TP53BP2: variants seen among roughly 807,000 people sequenced by gnomAD.
The protein encoded by TP53BP2 is apoptosis-stimulating of p53 protein 2.
A neutral mutation model predicts 126.2 loss-of-function variants in TP53BP2; 62 were observed. That is an observed-to-expected ratio of 0.49 (90% confidence interval 0.40 to 0.61). The LOEUF is 0.61. Among genes scored for constraint, TP53BP2 ranks in the 20% least tolerant of loss-of-function variants. The pLI is 0.00. For missense variants in TP53BP2, 1,215 were observed against 1,402.8 expected (o/e 0.87, Z 2.14); for synonymous variants, 485 against 502.9 (o/e 0.96, Z 0.48).
At chr1:223,833,580 T>G (rs1482493004) in intron 1 of TP53BP2, among the ~76,000 whole-genome samples, 1 of 152,192 alleles carries the variant, frequency 6.6e-6, no homozygotes, top group Non-Finnish European at 1.5e-5. Context: ...TAAAGTAGCC[T>G]GCTGGTCATA....
At position 223,789,037 on chromosome 1, in the gene TP53BP2, C is replaced by T. The variant is rs1193738727; in HGVS notation, c.3134G>A (p.Gly1045Asp). 2 of 1,614,016 alleles carry T rather than the reference C, an allele frequency of 1.2e-6. No individual in the cohort carries two copies. The highest frequency in any genetic ancestry group is 2.7e-5 in the African/African-American group (2 of 74,918). Residue 1045 changes from glycine to aspartate, a missense_variant, in exon 16 of 18, where the codon GGC becomes GAC. This residue lies in a region of TP53BP2 where 151 missense variants were observed against 231.2 expected (regional missense o/e 0.65). Coordinates refer to ENST00000343537, the MANE Select transcript of TP53BP2 (RefSeq NM_001031685.3). ...AAGAAATTGGGAGCACTGAGTGTAGCCTTCCTCCATTTCCTCGCACTTATC... is the reference window on the plus strand; with the variant it reads ...AAGAAATTGGGAGCACTGAGTGTAGTCTTCCTCCATTTCCTCGCACTTATC... ...AADKCEEMEEGYTQCSQFLYG... is the reference protein window; with the variant it reads ...AADKCEEMEEDYTQCSQFLYG...
intron 1 of TP53BP2, chr1:223,845,366 T>G: frequency 1.6e-6 from 1 of 622,556 alleles, no homozygotes; most frequent in Non-Finnish European, 2.0e-6. Flanking sequence ...GACGAAAAGT[T>G]TGAGTGGCTG....
intron 1 of TP53BP2, among the ~76,000 whole-genome samples, chr1:223,844,109 A>G (rs1269910930): frequency 2.6e-5 from 4 of 152,230 alleles, no homozygotes; most frequent in African/African-American, 9.7e-5. Flanking sequence ...TAAAGGTAGT[A>G]GCTGAGCAAT....
At chr1:223,797,756 G>C (rs575539938) in intron 12 of TP53BP2, among the ~76,000 whole-genome samples, 49 of 150,590 alleles carry the variant, frequency 3.3e-4, no homozygotes, top group African/African-American at 1.2e-3. Context: ...CACATACAGA[G>C]ACACACATAT....
chr1:223,795,744 A>AT, intron 13 of TP53BP2, 71 bp downstream of exon 13: 1 of 1,358,486 alleles, frequency 7.4e-7, no homozygotes, highest in Non-Finnish European at 9.7e-7. Context: ...GAGAAGATGA[A>AT]TGTGACCACC....
At position 223,792,415 on chromosome 1, in the gene TP53BP2, A is replaced by G. The variant is rs1448395756; in HGVS notation, c.2970T>C (p.Asn990=). 6.2e-7 allele frequency: 1 copy of G among 1,612,560 alleles called. No individual in the cohort carries two copies. The highest frequency in any genetic ancestry group is 8.5e-7 in the Non-Finnish European group (1 of 1,179,326). ...IVKFLVQFGV[N]VNAADSDGWT... ...ATCCATCACTATCAGCAGCATTTAC[A>G]TTTACACCAAACTGTACCAGGAACT... is the stretch of plus-strand genomic sequence containing the variant. The change falls in exon 15 of 18, where the codon AAT becomes AAC. Residue 990 remains asparagine, a synonymous_variant. Transcript: ENST00000343537.
At chr1:223,842,930 T>C (rs1047910482) in intron 1 of TP53BP2, among the ~76,000 whole-genome samples, 2 of 152,192 alleles carry the variant, frequency 1.3e-5, no homozygotes. Flanking sequence ...TGTGGAAATA[T>C]CATAGAACTA....
intron 1 of TP53BP2, among the ~76,000 whole-genome samples, chr1:223,828,044 T>C (rs1015071781): frequency 1.8e-4 from 27 of 152,174 alleles, no homozygotes; most frequent in African/African-American, 6.5e-4. Flanking sequence ...AAAATTTTAC[T>C]TAGAAAAGAA....
In TP53BP2 at chr1:223,780,112, T is replaced by C. The variant is rs1257467239; in HGVS notation, c.*741A>G. The C allele has an allele frequency of 2.0e-5, 3 of 152,332 alleles. No homozygotes were observed. The East Asian group carries it at 5.8e-4, about 29-fold the overall frequency. The allele number at this position is 152,332 out of a possible 1,614,324, so 9.4% of individuals were successfully genotyped here. A position where few individuals can be genotyped will look rare whatever the true frequency, so the allele number is the denominator to read the frequency against. The stretch of plus-strand genomic sequence containing the variant: ...CTAGCATCAAAAAGTTTATTACAAC[T>C]GTTTTTAAAGTCAGCTATGATCTTG... On this transcript the variant is annotated 3_prime_UTR_variant, in exon 18 of 18. Coordinates refer to ENST00000343537, the MANE Select transcript of TP53BP2 (RefSeq NM_001031685.3).
chr1:223,802,672 C>G (rs1662568152), intron 8 of TP53BP2, 59 bp downstream of exon 8: 1 of 1,591,696 alleles, frequency 6.3e-7, no homozygotes, highest in Admixed American at 1.7e-5. Flanking sequence ...TGAGTAACCT[C>G]ACTGGGCTGG....
intron 13 of TP53BP2, among the ~76,000 whole-genome samples, chr1:223,794,852 A>G (rs1464014758): frequency 6.6e-6 from 1 of 152,250 alleles, no homozygotes; most frequent in Non-Finnish European, 1.5e-5. Flanking sequence ...ATTGTTAAAA[A>G]TAACTGTGGA....
chr1:223,831,484 T>A (rs1189768345), intron 1 of TP53BP2, among the ~76,000 whole-genome samples: 467 of 24,330 alleles, frequency 0.019, 9 homozygotes, highest in African/African-American at 0.1. Context: ...AAAAAAAATA[T>A]ATATATATAT....
At chr1:223,841,075 A>G (rs529408148) in intron 1 of TP53BP2, among the ~76,000 whole-genome samples, 1 of 152,132 alleles carries the variant, frequency 6.6e-6, no homozygotes, top group South Asian at 2.1e-4. Context: ...ATACAGGGAA[A>G]CCCTGTCTCT....
At chr1:223,782,501 G>C (rs1482490220) in intron 17 of TP53BP2, among the ~76,000 whole-genome samples, 2 of 152,176 alleles carry the variant, frequency 1.3e-5, no homozygotes, top group East Asian at 3.8e-4. Context: ...TCATCTGAAA[G>C]CTTTTTTTTA....
At chr1:223,789,302 GT>G (rs2102835638) in intron 15 of TP53BP2, 128 bp from the exon 16 acceptor site, 2 of 1,085,934 alleles carry the variant, frequency 1.8e-6, no homozygotes, top group African/African-American at 1.6e-5. Flanking sequence ...CTCTTAAACA[GT>G]TTTTTAAAAA....
chr1:223,800,453 C>T (rs1052774662), intron 10 of TP53BP2, among the ~76,000 whole-genome samples: 6 of 152,052 alleles, frequency 3.9e-5, no homozygotes, highest in Middle Eastern at 3.2e-3. Context: ...TGGTGGCATG[C>T]ACCTGTAGTA....
chr1:223,819,184 CA>C (rs533080608), intron 2 of TP53BP2, among the ~76,000 whole-genome samples: 24,786 of 116,094 alleles, frequency 0.21, 3,130 homozygotes, highest in African/African-American at 0.42. Context: ...AACTCTGTCT[CA>C]AAAAAAAAAA....
Position 223,780,820 on chromosome 1 carries a change from A to G in TP53BP2, c.*33T>C, listed in dbSNP as rs758742624. 2.2e-5 allele frequency: 35 copies of G among 1,607,156 alleles called. No individual in the cohort carries two copies. The African/African-American group carries it at 4.6e-4, about 21-fold the overall frequency. Reference sequence around the variant, plus strand: ...TATTACTTCTTCTTAACAGAGATTAATTCTTCATTGACTAAAATTCTGTGT... The same window carrying G: ...TATTACTTCTTCTTAACAGAGATTAGTTCTTCATTGACTAAAATTCTGTGT... On this transcript the variant is annotated 3_prime_UTR_variant, in exon 18 of 18. Transcript: ENST00000343537.
chr1:223,843,848 A>C (rs1048855510), intron 1 of TP53BP2, among the ~76,000 whole-genome samples: 8 of 152,242 alleles, frequency 5.3e-5, no homozygotes, highest in Non-Finnish European at 5.9e-5. Flanking sequence ...GACACATATA[A>C]CATGAGTCTA....
Sources: allele counts gnomAD v4.1 joint callset (sites outside exome capture counted in the v4.1 genomes callset), GRCh38; gene constraint gnomAD v4.1.1; regional missense constraint gnomAD v4.1.1; transcripts MANE v1.5; gene names NCBI Gene and HGNC (gene_info 2026-07-23, HGNC 2026-07-21).